The following BAIAP2 variants were observed in gnomAD, a reference collection of about 807,000 sequenced individuals.
BAIAP2 encodes BAR/IMD domain-containing adapter protein 2.
Under a neutral mutation model 63.0 loss-of-function variants are expected in BAIAP2, and 18 were observed. The observed-to-expected ratio is 0.29, with a 90% confidence interval of 0.20 to 0.42. The LOEUF (loss-of-function observed/expected upper bound fraction) is 0.42, where lower values mean the gene tolerates loss of function less well. Ranked by LOEUF, BAIAP2 falls within the 10% of genes least tolerant of loss-of-function variation. The pLI, the probability that BAIAP2 is intolerant of heterozygous loss-of-function variation, is 1.00. For missense variants in BAIAP2, 610 were observed against 734.3 expected, an observed-to-expected ratio of 0.83 and a Z score of 1.96; for synonymous variants, 386 against 307.6, an observed-to-expected ratio of 1.25 and a Z score of -2.67.
chr17:81,109,720 C>T lies in BAIAP2; in HGVS notation c.1535+1211C>T, dbSNP rs181893283. ...AGAGCAGCGCGGCACAGTGGCCTCA[C>T]CTCCCGTCGGGCACTGGCGGGAGCA... On this transcript the variant is annotated intron_variant, in intron 13 of 13. Coordinates refer to ENST00000428708, the MANE Select transcript of BAIAP2 (RefSeq NM_001144888.2). 7.7e-4 allele frequency: 760 copies of T among 985,446 alleles called. 6 individuals carry two copies. Among genetic ancestry groups the T allele is most frequent in the Non-Finnish European group, 4.8e-4 (397 of 829,934 alleles). 61.0% of individuals were successfully genotyped at this position (985,446 alleles called of 1,614,324 possible).
chr17:81,113,687 A>C (rs1456080206), intron 13 of BAIAP2, among the ~76,000 whole-genome samples: 1 of 152,006 alleles, frequency 6.6e-6, no homozygotes, highest in Non-Finnish European at 1.5e-5. Context: ...GGGTCCTCAG[A>C]GCCACCCAGT....
chr17:81,060,104 T>C (rs1398071717), intron 3 of BAIAP2, among the ~76,000 whole-genome samples: 2 of 152,196 alleles, frequency 1.3e-5, no homozygotes, highest in Non-Finnish European at 2.9e-5. Flanking sequence ...GGAGCCCCGC[T>C]GTGTGCATCT....
intron 3 of BAIAP2, among the ~76,000 whole-genome samples, chr17:81,072,037 G>A (rs758603373): frequency 6.6e-6 from 1 of 152,168 alleles, no homozygotes; most frequent in East Asian, 1.9e-4. Flanking sequence ...GGCCATCATC[G>A]TGGTTGTGTT....
chr17:81,108,448 C>G (rs761163236), intron 12 of BAIAP2, 27 bp from the exon 13 acceptor site: 5 of 1,613,502 alleles, frequency 3.1e-6, no homozygotes, highest in Non-Finnish European at 4.2e-6. Context: ...GTCACCCGGC[C>G]TGACATGTTT....
intron 1 of BAIAP2, among the ~76,000 whole-genome samples, chr17:81,035,543 C>T (rs996095635): frequency 3.7e-4 from 56 of 149,538 alleles, no homozygotes; most frequent in Admixed American, 4.0e-4. Context: ...CCCATGCGCG[C>T]CGCGGCCCGG....
chr17:81,037,668 G>T (rs2046467095), intron 1 of BAIAP2, among the ~76,000 whole-genome samples: 1 of 152,258 alleles, frequency 6.6e-6, no homozygotes, highest in Admixed American at 6.5e-5. Context: ...CCGCTCCTGT[G>T]CCTGGGTTGG....
intron 3 of BAIAP2, among the ~76,000 whole-genome samples, chr17:81,079,662 C>T (rs2054266306): frequency 6.6e-6 from 1 of 152,218 alleles, no homozygotes; most frequent in South Asian, 2.1e-4. Flanking sequence ...ACCTGCTTTC[C>T]ATCACCCCCA....
chr17:81,109,206 C>T (rs2059575567), intron 13 of BAIAP2: 14 of 1,402,798 alleles, frequency 1.0e-5, no homozygotes, highest in Middle Eastern at 1.9e-4. Context: ...CCTGTGTTTA[C>T]GCGCCCCATC....
At chr17:81,094,429 C>T (rs549464608) in intron 6 of BAIAP2, among the ~76,000 whole-genome samples, 5 of 152,332 alleles carry the variant, frequency 3.3e-5, no homozygotes, top group South Asian at 4.1e-4. Context: ...TGGGGACCGT[C>T]AGGGCTCATG....
rs754131303 is a variant in BAIAP2 at position 81,086,597 on chromosome 17, C to G, written c.489+17C>G. Reference sequence around the variant, plus strand: ...GAGCTGCAGGTAGGCCCGCCACCCCCGCTGTGGTGCCTCTCCTGCCACCTT... The same window carrying G: ...GAGCTGCAGGTAGGCCCGCCACCCCGGCTGTGGTGCCTCTCCTGCCACCTT... On this transcript the variant is annotated intron_variant, in intron 6 of 13. Coordinates refer to ENST00000428708, the MANE Select transcript of BAIAP2 (RefSeq NM_001144888.2). The G allele has an allele frequency of 6.2e-7, 1 of 1,611,806 alleles. No individual in the cohort carries two copies. The highest frequency in any genetic ancestry group is 1.3e-5 in the African/African-American group (1 of 74,880).
At chr17:81,061,549 T>G (rs528383072) in intron 3 of BAIAP2, among the ~76,000 whole-genome samples, 2 of 152,330 alleles carry the variant, frequency 1.3e-5, no homozygotes, top group Admixed American at 1.3e-4. Flanking sequence ...TTGTCCAGCT[T>G]CCTCGGGTGT....
At chr17:81,044,275 C>T (rs940702850) in intron 1 of BAIAP2, among the ~76,000 whole-genome samples, 6 of 152,234 alleles carry the variant, frequency 3.9e-5, no homozygotes, top group African/African-American at 1.2e-4. Flanking sequence ...GCAGCGGCCT[C>T]GGGGATTCTT....
intron 13 of BAIAP2, among the ~76,000 whole-genome samples, chr17:81,115,062 C>T (rs569912695): frequency 1.3e-5 from 2 of 152,270 alleles, no homozygotes; most frequent in Non-Finnish European, 2.9e-5. Flanking sequence ...AAGGCTCAGG[C>T]ATCCCTCTCA....
intron 3 of BAIAP2, among the ~76,000 whole-genome samples, chr17:81,074,279 T>C (rs12051762): frequency 1.7e-5 from 2 of 121,086 alleles, no homozygotes; most frequent in African/African-American, 2.7e-5. Context: ...TGCCTGTGTG[T>C]CTGTGTGCAT....
chr17:81,090,474 C>T (rs975972163), intron 6 of BAIAP2, among the ~76,000 whole-genome samples: 1 of 152,256 alleles, frequency 6.6e-6, no homozygotes, highest in African/African-American at 2.4e-5. Flanking sequence ...CGAGTTTCTT[C>T]AGGAAGGGCT....
chr17:81,047,817 A>G (rs2048053854), intron 1 of BAIAP2, among the ~76,000 whole-genome samples: 1 of 152,076 alleles, frequency 6.6e-6, no homozygotes, highest in Non-Finnish European at 1.5e-5. Flanking sequence ...AGGGGTCCAC[A>G]TGCATCTAGC....
intron 1 of BAIAP2, among the ~76,000 whole-genome samples, chr17:81,045,305 G>A (rs2047654723): frequency 6.6e-6 from 1 of 152,192 alleles, no homozygotes; most frequent in African/African-American, 2.4e-5. Flanking sequence ...CAGGGCCCCA[G>A]GCTGGGGCTG....
intron 11 of BAIAP2, 69 bp from the exon 12 acceptor site, chr17:81,106,676 A>C: frequency 1.9e-6 from 3 of 1,580,532 alleles, no homozygotes; most frequent in Non-Finnish European, 2.6e-6. Flanking sequence ...CAGTCCAGGG[A>C]GCCACAGGGT....
intron 6 of BAIAP2, chr17:81,087,475 G>A (rs2055893590): frequency 6.6e-6 from 1 of 152,268 alleles, no homozygotes; most frequent in African/African-American, 2.4e-5. Flanking sequence ...TGGGAGGCCG[G>A]TTCCTGCTCA....
Sources: allele counts gnomAD v4.1 joint callset (sites outside exome capture counted in the v4.1 genomes callset), GRCh38; gene constraint gnomAD v4.1.1; transcripts MANE v1.5; gene names NCBI Gene and HGNC (gene_info 2026-07-23, HGNC 2026-07-21).